Variants in SPHKAP observed in about 807,000 individuals in gnomAD.
SPHKAP encodes A-kinase anchor protein SPHKAP.
In SPHKAP, 67 loss-of-function variants were observed where a neutral mutation model predicts 137.5. The ratio of observed to expected loss-of-function variants is 0.49; its 90% CI spans 0.40 to 0.60. The LOEUF (loss-of-function observed/expected upper bound fraction) is 0.60. SPHKAP is among the 20% of genes least tolerant of loss of function. The probability of loss-of-function intolerance (pLI) is 0.00; values close to 1 mark genes in which losing one functional copy is unlikely to be tolerated. For synonymous variants in SPHKAP, 813 were observed against 785.3 expected, an observed-to-expected ratio of 1.04 and a Z score of -0.59; for missense variants, 2,097 against 2,069.3, an observed-to-expected ratio of 1.01 and a Z score of -0.26.
intron 1 of SPHKAP, among the ~76,000 whole-genome samples, chr2:228,157,789 C>T (rs902145740): frequency 1.3e-5 from 2 of 151,904 alleles, no homozygotes; most frequent in African/African-American, 4.8e-5. Flanking sequence ...AGAAGTAAAA[C>T]ATGGAGGGCA....
intron 1 of SPHKAP, among the ~76,000 whole-genome samples, chr2:228,163,246 C>G (rs1700328443): frequency 6.6e-6 from 1 of 151,982 alleles, no homozygotes; most frequent in Admixed American, 6.6e-5. Flanking sequence ...TTTTGCACTA[C>G]CCCAGTGAAT....
intron 7 of SPHKAP, among the ~76,000 whole-genome samples, chr2:228,005,473 A>G (rs537413181): frequency 2.6e-5 from 4 of 152,308 alleles, no homozygotes; most frequent in Non-Finnish European, 5.9e-5. Flanking sequence ...TCCTGAATAC[A>G]GCACACTGAT....
chr2:228,006,865 A>G (rs1351651378), intron 7 of SPHKAP, among the ~76,000 whole-genome samples: 1 of 152,164 alleles, frequency 6.6e-6, no homozygotes, highest in East Asian at 1.9e-4. Flanking sequence ...ATATTGCTGA[A>G]CAGCAAATGC....
In SPHKAP at chr2:228,080,775, AAT is replaced by A. The variant is rs1465368878; in HGVS notation, c.246+28055_246+28056del. On this transcript the variant is annotated intron_variant, in intron 3 of 11. Coordinates refer to ENST00000392056, the MANE Select transcript of SPHKAP (RefSeq NM_001142644.2). ...AATAAAATAAAATAAAATAAAATAA[AAT>A]AAAATAAAACCAAACCACAATGATG... 1.1e-3 allele frequency among the ~76,000 whole-genome samples: 90 copies of A among 84,014 alleles called. 1 individual carries two copies. Among genetic ancestry groups the A allele is most frequent in the African/African-American group, 4.4e-3 (85 of 19,490 alleles). The allele number at this position is 84,014 out of a possible 152,430, so 55.1% of individuals were successfully genotyped here.
rs535864003 is a variant in SPHKAP at position 228,031,809 on chromosome 2, C to A, written c.247-4266G>T. Among the ~76,000 whole-genome samples, 99 of 152,346 alleles carry A rather than the reference C, an allele frequency of 6.5e-4. 1 individual carries two copies. The highest frequency in any genetic ancestry group is 2.2e-3 in the African/African-American group (91 of 41,584). On this transcript the variant is annotated intron_variant, in intron 3 of 11. Coordinates refer to ENST00000392056, the MANE Select transcript of SPHKAP (RefSeq NM_001142644.2). Reference sequence around the variant, plus strand: ...GGACCTCTAGCAAACTCCAACAGACCTGCAGCTGAGGGTCCTGTCTGCTAG... The same window carrying A: ...GGACCTCTAGCAAACTCCAACAGACATGCAGCTGAGGGTCCTGTCTGCTAG...
intron 3 of SPHKAP, among the ~76,000 whole-genome samples, chr2:228,092,289 ATACGTGCACACACACGTG>A (rs1280810501): frequency 2.1e-5 from 3 of 144,314 alleles, no homozygotes; most frequent in East Asian, 2.0e-4. Context: ...ATGTGCGTGT[ATACGTGCACACACACGTG>A]TATGTGTGTG....
At chr2:228,028,434 A>G (rs1695144531) in intron 3 of SPHKAP, among the ~76,000 whole-genome samples, 1 of 152,250 alleles carries the variant, frequency 6.6e-6, no homozygotes. Context: ...AACAATAGCC[A>G]TAATATTAAA....
intron 4 of SPHKAP, 105 bp from the exon 5 acceptor site, chr2:228,025,633 T>A: frequency 7.7e-7 from 1 of 1,298,298 alleles, no homozygotes; most frequent in Non-Finnish European, 1.0e-6. Flanking sequence ...CTCATACATA[T>A]AGACTGCTTA....
At chr2:228,128,996 G>T (rs550402048) in intron 2 of SPHKAP, among the ~76,000 whole-genome samples, 24 of 152,172 alleles carry the variant, frequency 1.6e-4, no homozygotes, top group Middle Eastern at 3.4e-3. Context: ...AATGAGCATT[G>T]GCCGTCACTT....
At chr2:227,984,282 AGAGT>A (rs545297756) in intron 11 of SPHKAP, among the ~76,000 whole-genome samples, 40 of 148,594 alleles carry the variant, frequency 2.7e-4, no homozygotes, top group African/African-American at 1.0e-3. Flanking sequence ...CCTGGGTGAC[AGAGT>A]GAGACTCCAT....
chr2:228,112,846 G>A (rs1249448161), intron 2 of SPHKAP, among the ~76,000 whole-genome samples: 1 of 152,116 alleles, frequency 6.6e-6, no homozygotes, highest in Non-Finnish European at 1.5e-5. Flanking sequence ...ATCTTGCTCT[G>A]TCCTATCCTA....
intron 3 of SPHKAP, among the ~76,000 whole-genome samples, chr2:228,081,146 T>C (rs1331115385): frequency 6.6e-6 from 1 of 152,202 alleles, no homozygotes; most frequent in Non-Finnish European, 1.5e-5. Context: ...GTTATATATC[T>C]CCACAGGTAG....
At chr2:228,153,577 G>A (rs914392062) in intron 1 of SPHKAP, among the ~76,000 whole-genome samples, 2 of 152,132 alleles carry the variant, frequency 1.3e-5, no homozygotes, top group African/African-American at 4.8e-5. Flanking sequence ...GTGAAGTCAA[G>A]TATCAGTCTA....
intron 1 of SPHKAP, among the ~76,000 whole-genome samples, chr2:228,169,570 T>C (rs1441585916): frequency 2.0e-5 from 3 of 152,090 alleles, no homozygotes; most frequent in African/African-American, 4.8e-5. Flanking sequence ...AAAATATTTC[T>C]TGCAAAATGT....
intron 3 of SPHKAP, among the ~76,000 whole-genome samples, chr2:228,048,477 T>C (rs1696144494): frequency 6.6e-6 from 1 of 152,224 alleles, no homozygotes; most frequent in African/African-American, 2.4e-5. Flanking sequence ...CTCTTTATCA[T>C]GTAGAACTGT....
intron 1 of SPHKAP, among the ~76,000 whole-genome samples, chr2:228,154,827 G>T (rs1174217981): frequency 6.7e-6 from 1 of 149,526 alleles, no homozygotes; most frequent in Non-Finnish European, 1.5e-5. Flanking sequence ...CCAAAGTGCT[G>T]GGATTACAGT....
At chr2:228,071,822 T>C (rs1697014918) in intron 3 of SPHKAP, among the ~76,000 whole-genome samples, 1 of 152,162 alleles carries the variant, frequency 6.6e-6, no homozygotes, top group South Asian at 2.1e-4. Context: ...AGGGGTTTCA[T>C]ATGCCAGTTA....
chr2:228,140,236 T>G (rs1353129488), intron 1 of SPHKAP, among the ~76,000 whole-genome samples: 1 of 150,292 alleles, frequency 6.7e-6, no homozygotes, highest in African/African-American at 2.5e-5. Flanking sequence ...TGTGAGCTAC[T>G]GCACCCGGCC....
intron 3 of SPHKAP, among the ~76,000 whole-genome samples, chr2:228,091,845 T>C (rs1003418619): frequency 1.3e-5 from 2 of 152,066 alleles, no homozygotes; most frequent in African/African-American, 2.4e-5. Context: ...ACAACCACTA[T>C]TGAAAACAGT....
Sources: allele counts gnomAD v4.1 joint callset (sites outside exome capture counted in the v4.1 genomes callset), GRCh38; gene constraint gnomAD v4.1.1; transcripts MANE v1.5; gene names NCBI Gene and HGNC (gene_info 2026-07-23, HGNC 2026-07-21).